Variants in ERBB4 observed in about 807,000 individuals in gnomAD.
ERBB4 encodes receptor tyrosine-protein kinase erbB-4.
ERBB4 carries 42 observed loss-of-function variants against 158.0 expected under a neutral mutation model. The observed-to-expected ratio is 0.27, with a 90% CI of 0.21 to 0.34. The LOEUF (loss-of-function observed/expected upper bound fraction) is 0.34, where lower values mean the gene tolerates loss of function less well. Among genes scored for constraint, ERBB4 ranks in the 10% least tolerant of loss-of-function variants. The probability of loss-of-function intolerance (pLI) is 1.00; values close to 1 mark genes in which losing one functional copy is unlikely to be tolerated. For synonymous variants in ERBB4, 583 were observed against 558.7 expected (o/e 1.04, Z -0.61); for missense variants, 1,333 against 1,624.1 (o/e 0.82, Z 3.08).
At chr2:211,882,615 G>C (rs1362855715) in intron 3 of ERBB4, among the ~76,000 whole-genome samples, 1 of 152,118 alleles carries the variant, frequency 6.6e-6, no homozygotes, top group Non-Finnish European at 1.5e-5. Context: ...AAATTATTTT[G>C]AAATAAATGA....
intron 17 of ERBB4, among the ~76,000 whole-genome samples, chr2:211,629,395 G>A (rs1476062868): frequency 6.6e-6 from 1 of 152,106 alleles, no homozygotes; most frequent in East Asian, 1.9e-4. Context: ...TGAAATAAAA[G>A]AGGACACAAA....
chr2:211,700,897 C>T (rs190829628), intron 12 of ERBB4, among the ~76,000 whole-genome samples: 2 of 152,184 alleles, frequency 1.3e-5, no homozygotes, highest in East Asian at 1.9e-4. Context: ...CATTTGAGTT[C>T]GGATTCTTTT....
chr2:212,075,152 A>ATTTT (rs1559448458), intron 2 of ERBB4, among the ~76,000 whole-genome samples: 5 of 152,096 alleles, frequency 3.3e-5, no homozygotes, highest in Admixed American at 1.3e-4. Context: ...AAAAAATATA[A>ATTTT]AAGTGTTATA....
chr2:211,918,077 A>G (rs1276917964), intron 3 of ERBB4, among the ~76,000 whole-genome samples: 1 of 152,154 alleles, frequency 6.6e-6, no homozygotes, highest in Non-Finnish European at 1.5e-5. Flanking sequence ...TGGATTGAAG[A>G]TGATTCTAGC....
intron 2 of ERBB4, among the ~76,000 whole-genome samples, chr2:212,022,075 G>A (rs552932150): frequency 7.6e-4 from 116 of 152,286 alleles, no homozygotes; most frequent in Middle Eastern, 3.4e-3. Flanking sequence ...CCATTGCTGC[G>A]AATGTAAATT....
chr2:211,593,928 G>A (rs954659747), intron 19 of ERBB4, among the ~76,000 whole-genome samples: 2 of 152,096 alleles, frequency 1.3e-5, no homozygotes, highest in Non-Finnish European at 2.9e-5. Context: ...TTGATGGGTC[G>A]TTCCAGCACC....
At chr2:212,207,306 G>A (rs2082793321) in intron 1 of ERBB4, among the ~76,000 whole-genome samples, 1 of 152,076 alleles carries the variant, frequency 6.6e-6, no homozygotes, top group Non-Finnish European at 1.5e-5. Flanking sequence ...GTCAATATAA[G>A]CAATGATAGT....
intron 19 of ERBB4, among the ~76,000 whole-genome samples, chr2:211,610,683 T>G (rs2069161073): frequency 6.6e-6 from 1 of 152,142 alleles, no homozygotes; most frequent in African/African-American, 2.4e-5. Flanking sequence ...CATCCTCTAG[T>G]CATGTACAAA....
At chr2:211,935,737 C>G (rs1465060293) in intron 3 of ERBB4, among the ~76,000 whole-genome samples, 1 of 152,168 alleles carries the variant, frequency 6.6e-6, no homozygotes, top group Non-Finnish European at 1.5e-5. Context: ...ATGAATCCTT[C>G]TCAAATAGCT....
At chr2:211,565,928 TA>T (rs1299581379) in intron 19 of ERBB4, among the ~76,000 whole-genome samples, 1 of 152,062 alleles carries the variant, frequency 6.6e-6, no homozygotes, top group Non-Finnish European at 1.5e-5. Context: ...GGCTTCCAAG[TA>T]AAAAAGATAC....
At chr2:212,363,278 G>A (rs1057246796) in intron 1 of ERBB4, among the ~76,000 whole-genome samples, 2 of 151,232 alleles carry the variant, frequency 1.3e-5, no homozygotes, top group African/African-American at 4.8e-5. Context: ...ATCTTGTTAA[G>A]ATATTATTAA....
At chr2:212,225,691 CAATA>C (rs2083446944) in intron 1 of ERBB4, among the ~76,000 whole-genome samples, 1 of 151,282 alleles carries the variant, frequency 6.6e-6, no homozygotes, top group Admixed American at 6.6e-5. Context: ...ATATATTATA[CAATA>C]AATGGGAACT....
intron 19 of ERBB4, among the ~76,000 whole-genome samples, chr2:211,595,185 A>G (rs983759243): frequency 6.6e-6 from 1 of 152,238 alleles, no homozygotes; most frequent in Non-Finnish European, 1.5e-5. Flanking sequence ...GTAATAATCC[A>G]TCTTAAAACG....
intron 16 of ERBB4, among the ~76,000 whole-genome samples, chr2:211,654,418 A>G (rs893616564): frequency 3.3e-5 from 5 of 152,230 alleles, no homozygotes; most frequent in African/African-American, 2.4e-5. Context: ...ACAATTAACT[A>G]TTGCTATGAA....
intron 1 of ERBB4, among the ~76,000 whole-genome samples, chr2:212,461,441 T>A (rs1264183961): frequency 8.5e-5 from 13 of 152,192 alleles, no homozygotes. Flanking sequence ...CAGACATGCA[T>A]GGGACCTGTA....
chr2:212,003,183 A>AGG (rs2076161594), intron 2 of ERBB4, among the ~76,000 whole-genome samples: 2 of 66,140 alleles, frequency 3.0e-5, no homozygotes, highest in Non-Finnish European at 7.6e-5. Context: ...GAAAGAAAGA[A>AGG]AGAAAGAAAG....
At chr2:211,646,344 C>T (rs1253451984) in intron 16 of ERBB4, among the ~76,000 whole-genome samples, 1 of 151,036 alleles carries the variant, frequency 6.6e-6, no homozygotes, top group Non-Finnish European at 1.5e-5. Context: ...AAGAAAAATA[C>T]CTAAAATATG....
At chr2:211,880,569 T>G (rs900590327) in intron 3 of ERBB4, among the ~76,000 whole-genome samples, 1 of 152,144 alleles carries the variant, frequency 6.6e-6, no homozygotes, top group Non-Finnish European at 1.5e-5. Flanking sequence ...CAAAAAACAT[T>G]TGCACCAAAA....
At chr2:212,418,494 CAATA>C (rs1404058577) in intron 1 of ERBB4, among the ~76,000 whole-genome samples, 1 of 150,462 alleles carries the variant, frequency 6.6e-6, no homozygotes, top group Non-Finnish European at 1.5e-5. Context: ...AATTTTCAAT[CAATA>C]GAGTCTGCCT....
Sources: gnomAD v4.1 joint callset for allele counts (sites outside exome capture counted in the v4.1 genomes callset) on GRCh38, gnomAD v4.1.1 for gene constraint, MANE v1.5 for transcripts, NCBI Gene and HGNC (gene_info 2026-07-23, HGNC 2026-07-21) for gene names.